SPHKAP: variants seen among roughly 807,000 people sequenced by gnomAD.
The protein encoded by SPHKAP is SPHK1 interactor, AKAP domain containing.
SPHKAP carries 67 observed loss-of-function variants against 137.5 expected under a neutral mutation model. The observed-to-expected ratio is 0.49, with a 90% CI of 0.40 to 0.60. The LOEUF (loss-of-function observed/expected upper bound fraction) is 0.60. Among genes scored for constraint, SPHKAP ranks in the 20% least tolerant of loss-of-function variants. The pLI, the probability that SPHKAP is intolerant of heterozygous loss-of-function variation, is 0.00. For missense variants in SPHKAP, 2,097 were observed against 2,069.3 expected (o/e 1.01, Z -0.26); for synonymous variants, 813 against 785.3 (o/e 1.04, Z -0.59).
chr2:228,009,609 TG>T (rs1694287792), intron 7 of SPHKAP, among the ~76,000 whole-genome samples: 1 of 152,220 alleles, frequency 6.6e-6, no homozygotes, highest in African/African-American at 2.4e-5. Context: ...TAGCATTTTT[TG>T]CTTGGATGTT....
chr2:227,993,449 G>T, intron 9 of SPHKAP, 85 bp downstream of exon 9: 3 of 1,247,962 alleles, frequency 2.4e-6, no homozygotes, highest in Non-Finnish European at 3.4e-6. Context: ...GTCAGTGGTT[G>T]GGCACAACCT....
At chr2:228,020,727 TAAATA>T (rs1246520150) in intron 6 of SPHKAP, among the ~76,000 whole-genome samples, 2 of 151,968 alleles carry the variant, frequency 1.3e-5, no homozygotes, top group East Asian at 1.9e-4. Context: ...AAAAATAAAA[TAAATA>T]AATAAAAATA....
chr2:228,132,346 T>C (rs1378988633), intron 1 of SPHKAP: 1 of 169,416 alleles, frequency 5.9e-6, no homozygotes, highest in African/African-American at 2.4e-5. Context: ...CATCATTGCA[T>C]CTGTCTGACT....
intron 3 of SPHKAP, among the ~76,000 whole-genome samples, chr2:228,048,768 T>G (rs763969986): frequency 2.6e-5 from 4 of 152,204 alleles, no homozygotes; most frequent in Non-Finnish European, 5.9e-5. Flanking sequence ...TGTTCATTTC[T>G]TCATATGTCT....
In SPHKAP at chr2:228,105,370, T is replaced by G. The variant is rs560116522; in HGVS notation, c.246+3462A>C. On this transcript the variant is annotated intron_variant, in intron 3 of 11. Coordinates refer to ENST00000392056, the MANE Select transcript of SPHKAP (RefSeq NM_001142644.2). ...TCAAGATAATGTCTCAGCTGTTGGGTTTTGGAGATTGGCTTCCAATTCCAT... is the reference window on the plus strand; with the variant it reads ...TCAAGATAATGTCTCAGCTGTTGGGGTTTGGAGATTGGCTTCCAATTCCAT... Among the ~76,000 whole-genome samples, 11 of 152,328 alleles carry G rather than the reference T, an allele frequency of 7.2e-5. No homozygotes were observed. In the South Asian group the frequency reaches 2.3e-3, roughly 32 times the overall value.
At chr2:228,118,015 C>A (rs1035003740) in intron 2 of SPHKAP, among the ~76,000 whole-genome samples, 1 of 151,976 alleles carries the variant, frequency 6.6e-6, no homozygotes, top group African/African-American at 2.4e-5. Context: ...TGTATCCCTA[C>A]ACAATATTAT....
intron 3 of SPHKAP, among the ~76,000 whole-genome samples, chr2:228,036,829 A>T (rs939610793): frequency 1.3e-5 from 2 of 151,846 alleles, no homozygotes; most frequent in African/African-American, 2.4e-5. Context: ...TGGGAATTGA[A>T]CCATGAGAAC....
intron 1 of SPHKAP, among the ~76,000 whole-genome samples, chr2:228,147,399 T>C (rs563390999): frequency 1.3e-5 from 2 of 152,336 alleles, no homozygotes; most frequent in East Asian, 1.9e-4. Context: ...GCATATAGTT[T>C]ACAATTGCAA....
chr2:228,158,060 G>C (rs539245448), intron 1 of SPHKAP, among the ~76,000 whole-genome samples: 2 of 152,276 alleles, frequency 1.3e-5, no homozygotes, highest in South Asian at 4.1e-4. Flanking sequence ...AGGTCAAGAA[G>C]TGTGCAGCAG....
At chr2:228,032,830 G>T (rs1247766575) in intron 3 of SPHKAP, among the ~76,000 whole-genome samples, 1 of 152,138 alleles carries the variant, frequency 6.6e-6, no homozygotes, top group Non-Finnish European at 1.5e-5. Context: ...CAAATACTGA[G>T]AGATTTTGTC....
At chr2:228,109,002 T>A in intron 2 of SPHKAP, 63 bp from the exon 3 acceptor site, 2 of 963,258 alleles carry the variant, frequency 2.1e-6, no homozygotes, top group Non-Finnish European at 2.9e-6. Context: ...ACAGCAGCTC[T>A]CTCTCTTTTT....
chr2:228,053,874 T>G (rs1236666517), intron 3 of SPHKAP, among the ~76,000 whole-genome samples: 4 of 152,190 alleles, frequency 2.6e-5, no homozygotes, highest in Non-Finnish European at 5.9e-5. Flanking sequence ...TTGTCCTTTG[T>G]GGTTTTATAC....
intron 7 of SPHKAP, among the ~76,000 whole-genome samples, chr2:228,010,837 T>A (rs1694340733): frequency 6.6e-6 from 1 of 152,230 alleles, no homozygotes; most frequent in African/African-American, 2.4e-5. Context: ...ACATAAGTAC[T>A]TTACATTCTG....
At position 228,005,689 on chromosome 2, in the gene SPHKAP, A is replaced by G. The variant is rs374752483; in HGVS notation, c.4449-9995T>C. 5.3e-4 allele frequency among the ~76,000 whole-genome samples: 81 copies of G among 152,226 alleles called. No homozygotes were observed. The South Asian group carries it at 0.015, about 28-fold the overall frequency. On this transcript the variant is annotated intron_variant, in intron 7 of 11. Coordinates refer to ENST00000392056, the MANE Select transcript of SPHKAP (RefSeq NM_001142644.2). ...GCATGTTTTTGCAGTGGCTGGTACCAGTTGTTCCTTTCCATGTTTAGTGCT... is the reference window on the plus strand; with the variant it reads ...GCATGTTTTTGCAGTGGCTGGTACCGGTTGTTCCTTTCCATGTTTAGTGCT...
chr2:227,989,617 C>CT (rs1693337509), intron 11 of SPHKAP, among the ~76,000 whole-genome samples: 1 of 151,982 alleles, frequency 6.6e-6, no homozygotes, highest in Admixed American at 6.6e-5. Flanking sequence ...CACACTTATT[C>CT]TTTTTTGAGA....
intron 9 of SPHKAP, chr2:227,991,576 G>C: frequency 1.0e-6 from 1 of 985,416 alleles, no homozygotes; most frequent in Non-Finnish European, 1.2e-6. Context: ...AGTTAGGATA[G>C]CTGGTGTGGG....
intron 2 of SPHKAP, among the ~76,000 whole-genome samples, chr2:228,129,326 G>A (rs1431417307): frequency 6.6e-6 from 1 of 152,180 alleles, no homozygotes; most frequent in Non-Finnish European, 1.5e-5. Context: ...TGCATTATCT[G>A]CTAAGTCCAA....
At chr2:228,109,000 T>TCG in intron 2 of SPHKAP, 61 bp from the exon 3 acceptor site, 1 of 999,660 alleles carries the variant, frequency 1.0e-6, no homozygotes, top group Non-Finnish European at 1.4e-6. Context: ...AAACAGCAGC[T>TCG]CTCTCTCTTT....
At chr2:228,071,795 T>G (rs1697014123) in intron 3 of SPHKAP, among the ~76,000 whole-genome samples, 2 of 152,166 alleles carry the variant, frequency 1.3e-5, no homozygotes, top group Non-Finnish European at 2.9e-5. Context: ...CAACCTTTTT[T>G]TTTTGTAATG....
Sources: gnomAD v4.1 joint callset for allele counts (sites outside exome capture counted in the v4.1 genomes callset) on GRCh38, gnomAD v4.1.1 for gene constraint, MANE v1.5 for transcripts, NCBI Gene and HGNC (gene_info 2026-07-23, HGNC 2026-07-21) for gene names.